PPP1R2: variants seen among roughly 807,000 people sequenced by gnomAD.
PPP1R2 encodes protein phosphatase inhibitor 2.
PPP1R2 carries 16 observed loss-of-function variants against 29.9 expected under a neutral mutation model. That is an observed-to-expected ratio of 0.53 (90% CI 0.36 to 0.81). The LOEUF is 0.81. PPP1R2 is among the 30% of genes least tolerant of loss of function. The pLI, the probability that PPP1R2 is intolerant of heterozygous loss-of-function variation, is 0.00. For synonymous variants in PPP1R2, 76 were observed against 91.5 expected (o/e 0.83, Z 0.96); for missense variants, 197 against 252.7 (o/e 0.78, Z 1.49).
At chr3:195,531,935 C>T (rs968174916) in intron 1 of PPP1R2, among the ~76,000 whole-genome samples, 4 of 152,200 alleles carry the variant, frequency 2.6e-5, no homozygotes, top group Admixed American at 6.5e-5. Flanking sequence ...CTAGGTACCT[C>T]GCAGAAGCGA....
intron 2 of PPP1R2, 48 bp from the exon 3 acceptor site, chr3:195,524,944 A>G (rs1235308838): frequency 6.5e-7 from 1 of 1,526,786 alleles, no homozygotes; most frequent in Non-Finnish European, 9.1e-7. Flanking sequence ...ATACATTTTC[A>G]GCCACAAAAA....
chr3:195,541,656 GTCT>G (rs905354642), intron 1 of PPP1R2, among the ~76,000 whole-genome samples: 4 of 151,760 alleles, frequency 2.6e-5, no homozygotes, highest in African/African-American at 9.7e-5. Flanking sequence ...GTGAAATTCT[GTCT>G]TCTTAATTCC....
At chr3:195,537,520 T>TGTGTGTGTGTGTGTGTGTGTGTGTGTGTG (rs1719441468) in intron 1 of PPP1R2, among the ~76,000 whole-genome samples, 24 of 151,020 alleles carry the variant, frequency 1.6e-4, no homozygotes, top group South Asian at 4.2e-4. Context: ...TGTGTGTGTG[T>TGTGTGTGTGTGTGTGTGTGTGTGTGTGTG]TTCCATTTCA....
At chr3:195,523,429 A>T (rs1446148834) in intron 4 of PPP1R2, among the ~76,000 whole-genome samples, 1 of 152,178 alleles carries the variant, frequency 6.6e-6, no homozygotes, top group Non-Finnish European at 1.5e-5. Flanking sequence ...CTGAGTATCT[A>T]CTCTGCACTA....
At position 195,543,186 on chromosome 3, in the gene PPP1R2, G is replaced by A. The variant is rs1241773202; in HGVS notation, c.-161C>T. 7 of 1,009,060 alleles carry A rather than the reference G, an allele frequency of 6.9e-6. No homozygotes were observed. In the East Asian group the frequency reaches 9.2e-5, roughly 13 times the overall value. The allele number at this position is 1,009,060 out of a possible 1,614,324, so 62.5% of individuals were successfully genotyped here. A position where few individuals can be genotyped will look rare whatever the true frequency, so the allele number is the denominator to read the frequency against. On this transcript the variant is annotated 5_prime_UTR_variant, in exon 1 of 6. Transcript: ENST00000618156. ...AAACGGCTACCGCAGCGGTTGTCAC[G>A]ACACAACGACCCCGACGCCAGAGCC...
At chr3:195,521,763 GCCCCAGCCTC>G (rs1381420167) in intron 4 of PPP1R2, among the ~76,000 whole-genome samples, 1 of 151,984 alleles carries the variant, frequency 6.6e-6, no homozygotes, top group African/African-American at 2.4e-5. Context: ...CAATTCTTGT[GCCCCAGCCTC>G]CCGAGTAGCT....
At chr3:195,517,023 T>G (rs1718572214) in intron 5 of PPP1R2, 81 bp from the exon 6 acceptor site, 1 of 1,089,736 alleles carries the variant, frequency 9.2e-7, no homozygotes, top group Non-Finnish European at 1.4e-6. Flanking sequence ...TTAGCATGCA[T>G]GACAAGCAAA....
At chr3:195,521,131 T>C (rs1017649318) in intron 4 of PPP1R2, among the ~76,000 whole-genome samples, 4 of 150,654 alleles carry the variant, frequency 2.7e-5, no homozygotes, top group Non-Finnish European at 4.4e-5. Flanking sequence ...CTGGCTAACA[T>C]GGTGAAACCC....
intron 1 of PPP1R2, among the ~76,000 whole-genome samples, chr3:195,540,906 A>G (rs1309639786): frequency 1.3e-5 from 2 of 152,226 alleles, no homozygotes; most frequent in Non-Finnish European, 2.9e-5. Flanking sequence ...GACTAAGACT[A>G]TATTGTATTA....
chr3:195,535,026 C>G (rs1181233958), intron 1 of PPP1R2, among the ~76,000 whole-genome samples: 1 of 152,172 alleles, frequency 6.6e-6, no homozygotes, highest in Non-Finnish European at 1.5e-5. Flanking sequence ...CTTTAAGATT[C>G]AGCACACATG....
chr3:195,542,380 T>C (rs1719628481), intron 1 of PPP1R2, among the ~76,000 whole-genome samples: 1 of 152,212 alleles, frequency 6.6e-6, no homozygotes, highest in Non-Finnish European at 1.5e-5. Flanking sequence ...TGAGCTTAGA[T>C]CTATCTCTGA....
intron 1 of PPP1R2, among the ~76,000 whole-genome samples, chr3:195,533,057 T>A (rs1719246520): frequency 6.6e-6 from 1 of 152,108 alleles, no homozygotes; most frequent in African/African-American, 2.4e-5. Flanking sequence ...CAAGTTTGCT[T>A]AAAATGCTCT....
chr3:195,517,231 G>A (rs1180406819), intron 5 of PPP1R2, among the ~76,000 whole-genome samples: 1 of 151,974 alleles, frequency 6.6e-6, no homozygotes, highest in African/African-American at 2.4e-5. Context: ...AATATCCAGA[G>A]CTATAAAAAG....
intron 4 of PPP1R2, 111 bp from the exon 5 acceptor site, chr3:195,519,296 C>CT: frequency 1.2e-6 from 1 of 818,762 alleles, no homozygotes; most frequent in Admixed American, 3.2e-5. Flanking sequence ...TTTTGTCATG[C>CT]TTAAGGCTGC....
intron 1 of PPP1R2, among the ~76,000 whole-genome samples, chr3:195,537,898 C>T (rs979331181): frequency 6.6e-6 from 1 of 152,112 alleles, no homozygotes; most frequent in East Asian, 1.9e-4. Flanking sequence ...AGGAAATCTT[C>T]GAAAGTTAGT....
chr3:195,536,695 G>A (rs1719397873), intron 1 of PPP1R2, among the ~76,000 whole-genome samples: 1 of 151,332 alleles, frequency 6.6e-6, no homozygotes, highest in African/African-American at 2.4e-5. Context: ...GGCTGAGGCT[G>A]GAGAATCACT....
At chr3:195,524,457 GGA>G (rs1466124137) in intron 3 of PPP1R2, among the ~76,000 whole-genome samples, 3 of 152,108 alleles carry the variant, frequency 2.0e-5, no homozygotes, top group African/African-American at 7.2e-5. Context: ...CTTGGGAGGT[GGA>G]GGTTGCAGTG....
At chr3:195,533,472 A>G (rs1226365488) in intron 1 of PPP1R2, among the ~76,000 whole-genome samples, 1 of 152,152 alleles carries the variant, frequency 6.6e-6, no homozygotes, top group African/African-American at 2.4e-5. Context: ...TATCCTATTT[A>G]GTGCAATATT....
intron 4 of PPP1R2, chr3:195,519,730 G>A (rs1321786616): frequency 2.0e-5 from 3 of 151,814 alleles, no homozygotes; most frequent in Admixed American, 6.6e-5. Context: ...GGCTAAAAAC[G>A]TAACCTCATT....
Sources: allele counts gnomAD v4.1 joint callset (sites outside exome capture counted in the v4.1 genomes callset), GRCh38; gene constraint gnomAD v4.1.1; transcripts MANE v1.5; gene names NCBI Gene and HGNC (gene_info 2026-07-23, HGNC 2026-07-21).